WFDC1: variants seen among roughly 807,000 people sequenced by gnomAD.
WFDC1 encodes the protein WAP four-disulfide core domain protein 1.
Under a neutral mutation model 32.9 loss-of-function variants are expected in WFDC1, and 39 were observed. That is an observed-to-expected ratio of 1.19 (90% confidence interval 0.92 to 1.55). The LOEUF (loss-of-function observed/expected upper bound fraction) is 1.55. Among genes scored for constraint, WFDC1 ranks in the 40% most tolerant of loss-of-function variants. The pLI is 0.00. For synonymous variants in WFDC1, 184 were observed against 137.4 expected (o/e 1.34, Z -2.37); for missense variants, 386 against 309.5 (o/e 1.25, Z -1.85).
rs2151360686 is a variant in WFDC1, at chr16:84,295,034, C to T, written c.63C>T (p.Leu21=). Residue 21 remains leucine (L), a synonymous_variant, in exon 1 of 7, where the codon CTC becomes CTT. Coordinates refer to ENST00000219454, the MANE Select transcript of WFDC1 (RefSeq NM_021197.4). ...GGCAGATCATCCGGGCTCTGTGCCT[C>T]TTGCTACTTCTCCTCCACGCCGGCT... The part of the protein sequence containing the change: ...CRRQIIRALC[L]LLLLLHAGSA... 6.2e-7 allele frequency: 1 copy of T among 1,614,240 alleles called. No individual in the cohort carries two copies. Among genetic ancestry groups the T allele is most frequent in the Non-Finnish European group, 8.5e-7 (1 of 1,180,048 alleles).
At chr16:84,306,372 G>A (rs1275195609) in intron 1 of WFDC1, among the ~76,000 whole-genome samples, 2 of 152,166 alleles carry the variant, frequency 1.3e-5, no homozygotes, top group African/African-American at 4.8e-5. Context: ...GGATGTGGAG[G>A]TTCAGCTGTG....
intron 6 of WFDC1, chr16:84,328,476 C>T (rs1883433298): frequency 6.6e-6 from 1 of 152,188 alleles, no homozygotes; most frequent in African/African-American, 2.4e-5. Flanking sequence ...CAGAATCCTC[C>T]CGGAAAATCT....
intron 1 of WFDC1, among the ~76,000 whole-genome samples, chr16:84,301,287 C>T (rs1019085333): frequency 5.9e-5 from 9 of 152,184 alleles, no homozygotes; most frequent in African/African-American, 1.2e-4. Context: ...GCAGCACCCT[C>T]GGACACGAAT....
chr16:84,321,043 T>A (rs1425030970), intron 4 of WFDC1, among the ~76,000 whole-genome samples: 1 of 152,234 alleles, frequency 6.6e-6, no homozygotes, highest in Non-Finnish European at 1.5e-5. Flanking sequence ...GATGCCTTTT[T>A]GGTTTCCTCT....
At chr16:84,318,055 C>G in intron 2 of WFDC1, 1 of 520,952 alleles carries the variant, frequency 1.9e-6, no homozygotes, top group Non-Finnish European at 3.5e-6. Context: ...GCAAGGGAGG[C>G]AGGGAAGGCT....
At chr16:84,319,279 C>G (rs1007625524) in intron 3 of WFDC1, 152 bp from the exon 4 acceptor site, 14 of 1,044,944 alleles carry the variant, frequency 1.3e-5, no homozygotes, top group Non-Finnish European at 1.9e-5. Flanking sequence ...GACCCAGGGC[C>G]TAGCCTGGAA....
At chr16:84,295,240 C>T (rs1299537211) in intron 1 of WFDC1, 125 bp downstream of exon 1, 1 of 1,286,382 alleles carries the variant, frequency 7.8e-7, no homozygotes, top group Non-Finnish European at 1.1e-6. Flanking sequence ...AGGCAGGCGT[C>T]TTCCTATCCG....
intron 1 of WFDC1, among the ~76,000 whole-genome samples, chr16:84,297,196 C>T (rs948224450): frequency 2.0e-5 from 3 of 152,142 alleles, no homozygotes; most frequent in Non-Finnish European, 2.9e-5. Flanking sequence ...AGCTGATTCA[C>T]TTGTAGCCAC....
intron 1 of WFDC1, among the ~76,000 whole-genome samples, chr16:84,302,933 G>A (rs1436016417): frequency 6.6e-6 from 1 of 152,022 alleles, no homozygotes; most frequent in Non-Finnish European, 1.5e-5. Flanking sequence ...GGGATGGAAA[G>A]TTCTAGAGGA....
At chr16:84,311,214 AC>A (rs1367018768) in intron 1 of WFDC1, among the ~76,000 whole-genome samples, 1 of 149,640 alleles carries the variant, frequency 6.7e-6, no homozygotes, top group Non-Finnish European at 1.5e-5. Flanking sequence ...TTGGTCACTC[AC>A]CCATATTCCT....
Position 84,321,511 on chromosome 16 carries a change from A to G in WFDC1, c.562+1940A>G, listed in dbSNP as rs191583005. Among the ~76,000 whole-genome samples, 128 of 152,360 alleles carry G rather than the reference A, an allele frequency of 8.4e-4. 1 individual carries two copies. Among genetic ancestry groups the G allele is most frequent in the African/African-American group, 2.9e-3 (121 of 41,586 alleles). On this transcript the variant is annotated intron_variant, in intron 4 of 6. Transcript: ENST00000219454. ...CCATTTATAATAATGACGGCATAAT[A>G]GGAATGCCTTGGGCACTTGTCTTTT...
chr16:84,299,732 G>T (rs561869691), intron 1 of WFDC1, among the ~76,000 whole-genome samples: 64 of 152,226 alleles, frequency 4.2e-4, no homozygotes, highest in Non-Finnish European at 8.1e-4. Flanking sequence ...GTGACTGTGG[G>T]TCTGTTTTCC....
At chr16:84,317,585 T>C (rs1193110164) in intron 2 of WFDC1, 2 of 152,158 alleles carry the variant, frequency 1.3e-5, no homozygotes, top group Non-Finnish European at 2.9e-5. Context: ...TAAAACCAGG[T>C]ATATTGGTTA....
At chr16:84,298,846 A>C (rs1567649219) in intron 1 of WFDC1, among the ~76,000 whole-genome samples, 1 of 152,090 alleles carries the variant, frequency 6.6e-6, no homozygotes, top group Non-Finnish European at 1.5e-5. Context: ...CCCTTAGGAG[A>C]AGCTTCTAAT....
rs80059278 is a variant in WFDC1, at chr16:84,322,634, C to T, written c.563-1785C>T. Among the ~76,000 whole-genome samples the T allele has an allele frequency of 7.9e-5, 12 of 152,322 alleles. No homozygotes were observed. The East Asian group carries it at 2.1e-3, about 27-fold the overall frequency. ...AGGCCCTGTGCCGACACCTAAGATGCCATCCTCCCGTAAGAGAGGCTTCTA... is the reference window on the plus strand; with the variant it reads ...AGGCCCTGTGCCGACACCTAAGATGTCATCCTCCCGTAAGAGAGGCTTCTA... On this transcript the variant is annotated intron_variant, in intron 4 of 6. Coordinates refer to ENST00000219454, the MANE Select transcript of WFDC1 (RefSeq NM_021197.4).
chr16:84,299,755 C>G (rs1906824906), intron 1 of WFDC1, among the ~76,000 whole-genome samples: 1 of 152,202 alleles, frequency 6.6e-6, no homozygotes, highest in South Asian at 2.1e-4. Flanking sequence ...TCTAAGCACC[C>G]CTCCAGGGCA....
chr16:84,324,453 A>G lies in WFDC1; in HGVS notation c.597A>G (p.Glu199=). ...GRILRHKLYK[E]YPEGDSKNVA... ...TCCTACGACACAAACTTTACAAAGA[A>G]TATCCAGGTAAAAGAAGAAACTGTT... The change falls in exon 5 of 7, where the codon GAA becomes GAG. Residue 199 remains glutamate, a synonymous_variant. Coordinates refer to ENST00000219454, the MANE Select transcript of WFDC1 (RefSeq NM_021197.4). The G allele has an allele frequency of 1.2e-6, 2 of 1,613,860 alleles. No homozygotes were observed. Among genetic ancestry groups the G allele is most frequent in the Non-Finnish European group, 1.7e-6 (2 of 1,179,944 alleles).
At chr16:84,314,353 C>T (rs888329693) in intron 2 of WFDC1, among the ~76,000 whole-genome samples, 3 of 152,100 alleles carry the variant, frequency 2.0e-5, no homozygotes, top group African/African-American at 4.8e-5. Context: ...AAAATGTGCC[C>T]CTAAGCGGGT....
intron 1 of WFDC1, chr16:84,295,735 G>A (rs1239229118): frequency 6.5e-6 from 1 of 152,774 alleles, no homozygotes; most frequent in Non-Finnish European, 1.5e-5. Context: ...GGGGCCAGAT[G>A]TCTGGGTGTG....
Sources: gnomAD v4.1 joint callset for allele counts (sites outside exome capture counted in the v4.1 genomes callset) on GRCh38, gnomAD v4.1.1 for gene constraint, MANE v1.5 for transcripts, NCBI Gene and HGNC (gene_info 2026-07-23, HGNC 2026-07-21) for gene names.